Variants in GMDS observed in about 807,000 individuals in gnomAD.
The protein encoded by GMDS is GDP-mannose 4,6-dehydratase.
A neutral mutation model predicts 49.9 loss-of-function variants in GMDS; 20 were observed. That is an observed-to-expected ratio of 0.40 (90% CI 0.28 to 0.58). The LOEUF (loss-of-function observed/expected upper bound fraction) is 0.58. Among genes scored for constraint, GMDS ranks in the 20% least tolerant of loss-of-function variants. GMDS has a pLI of 0.42. For missense variants in GMDS, 362 were observed against 481.4 expected, an observed-to-expected ratio of 0.75 and a Z score of 2.32; for synonymous variants, 177 against 178.6, an observed-to-expected ratio of 0.99 and a Z score of 0.07.
chr6:1,720,645 C>T (rs1363394882), intron 9 of GMDS, among the ~76,000 whole-genome samples: 1 of 152,102 alleles, frequency 6.6e-6, no homozygotes, highest in Non-Finnish European at 1.5e-5. Context: ...CCTTACAGAA[C>T]GAGTAGTCTC....
intron 7 of GMDS, among the ~76,000 whole-genome samples, chr6:1,838,631 A>C (rs918530089): frequency 1.3e-5 from 2 of 152,198 alleles, no homozygotes; most frequent in African/African-American, 2.4e-5. Context: ...CTTGGTTAGT[A>C]CTGTGATTGG....
intron 1 of GMDS, among the ~76,000 whole-genome samples, chr6:2,221,317 T>C (rs1329404849): frequency 1.3e-5 from 2 of 152,238 alleles, no homozygotes; most frequent in Non-Finnish European, 2.9e-5. Context: ...TTCAATTGCA[T>C]TTTATTATTT....
chr6:1,948,819 G>A (rs189169852), intron 6 of GMDS, among the ~76,000 whole-genome samples: 1 of 152,276 alleles, frequency 6.6e-6, no homozygotes, highest in Admixed American at 6.5e-5. Flanking sequence ...CGTTTTGAAT[G>A]GCTTTTCCTG....
chr6:1,742,569 C>T lies in GMDS; in HGVS notation c.789G>A (p.Leu263=). The T allele has an allele frequency of 1.3e-6, 2 of 1,592,940 alleles. No individual in the cohort carries two copies. Among genetic ancestry groups the T allele is most frequent in the Non-Finnish European group, 1.7e-6 (2 of 1,160,996 alleles). The change falls in exon 8 of 11, where the codon TTG becomes TTA. Residue 263 remains leucine (L), a synonymous_variant. Transcript: ENST00000380815. ...CGAAGTCCTCCGGCTCATCATTCTG[C>T]AACATCAACCACATAGCCTAGAGGG... ...KDYVEAMWLM[L]QNDEPEDFVI...
intron 7 of GMDS, among the ~76,000 whole-genome samples, chr6:1,798,048 C>T (rs1368057627): frequency 6.6e-6 from 1 of 152,138 alleles, no homozygotes; most frequent in Non-Finnish European, 1.5e-5. Context: ...CATCTTCCTG[C>T]AATTCTTGAA....
At chr6:1,918,504 G>A (rs190478639) in intron 7 of GMDS, among the ~76,000 whole-genome samples, 150 of 151,752 alleles carry the variant, frequency 9.9e-4, no homozygotes, top group African/African-American at 3.4e-3. Flanking sequence ...CCAGTCCTTT[G>A]GGGGGCCGAG....
chr6:1,697,831 C>T (rs1259628126), intron 9 of GMDS, among the ~76,000 whole-genome samples: 1 of 152,202 alleles, frequency 6.6e-6, no homozygotes, highest in Non-Finnish European at 1.5e-5. Flanking sequence ...AGGAAGCTTT[C>T]TTCCTTTGTC....
chr6:1,919,691 C>A (rs1581362472), intron 7 of GMDS, among the ~76,000 whole-genome samples: 2 of 152,206 alleles, frequency 1.3e-5, no homozygotes, highest in African/African-American at 4.8e-5. Flanking sequence ...TTTGAATATT[C>A]TTCACCTTCA....
chr6:1,768,852 ACTC>A (rs1284848303), intron 7 of GMDS, among the ~76,000 whole-genome samples: 1 of 152,006 alleles, frequency 6.6e-6, no homozygotes, highest in Non-Finnish European at 1.5e-5. Flanking sequence ...GCACTTCACA[ACTC>A]CTATTTAACT....
Position 2,150,107 on chromosome 6 carries a change from T to C in GMDS, c.103-25376A>G, listed in dbSNP as rs1184057092. 2.0e-5 allele frequency among the ~76,000 whole-genome samples: 3 copies of C among 152,296 alleles called. No individual in the cohort carries two copies. In the East Asian group the frequency reaches 5.8e-4, roughly 29 times the overall value. On this transcript the variant is annotated intron_variant, in intron 1 of 10. Transcript: ENST00000380815. ...TTTTATTATTTCCTTGAAAAAACAC[T>C]CATTCCATCTAGTACGTATTGTGAG...
intron 7 of GMDS, among the ~76,000 whole-genome samples, chr6:1,893,402 G>T: frequency 6.6e-6 from 1 of 151,982 alleles, no homozygotes; most frequent in Non-Finnish European, 1.5e-5. Context: ...ATGTTGGCCA[G>T]GCTGGTCTCG....
At chr6:2,137,137 T>C (rs1007032377) in intron 1 of GMDS, among the ~76,000 whole-genome samples, 2 of 152,132 alleles carry the variant, frequency 1.3e-5, no homozygotes, top group Non-Finnish European at 2.9e-5. Context: ...TATATAATGG[T>C]ATTTATAATT....
intron 1 of GMDS, among the ~76,000 whole-genome samples, chr6:2,231,485 G>C (rs1263407493): frequency 2.0e-5 from 3 of 152,158 alleles, no homozygotes; most frequent in African/African-American, 7.2e-5. Context: ...GATGGCTTGA[G>C]CCCAGGAGGC....
At chr6:1,797,822 C>T (rs1435764828) in intron 7 of GMDS, among the ~76,000 whole-genome samples, 1 of 152,176 alleles carries the variant, frequency 6.6e-6, no homozygotes, top group East Asian at 1.9e-4. Flanking sequence ...CCCCAATGGG[C>T]ACAGCTTGGA....
chr6:1,848,822 T>C (rs1446382553), intron 7 of GMDS, among the ~76,000 whole-genome samples: 2 of 152,102 alleles, frequency 1.3e-5, no homozygotes, highest in African/African-American at 2.4e-5. Context: ...GTGTGAAGTA[T>C]AGTGAAGTGG....
intron 7 of GMDS, among the ~76,000 whole-genome samples, chr6:1,874,114 G>A (rs1758911570): frequency 1.3e-5 from 2 of 152,164 alleles, no homozygotes; most frequent in Non-Finnish European, 2.9e-5. Flanking sequence ...GGGACTGCAC[G>A]GCCACTTGGC....
At chr6:1,873,710 C>G (rs981066215) in intron 7 of GMDS, among the ~76,000 whole-genome samples, 1 of 152,164 alleles carries the variant, frequency 6.6e-6, no homozygotes, top group Non-Finnish European at 1.5e-5. Flanking sequence ...TAAAGATCCT[C>G]TTTATCTGTG....
At chr6:2,177,566 C>T (rs997072339) in intron 1 of GMDS, among the ~76,000 whole-genome samples, 1 of 152,062 alleles carries the variant, frequency 6.6e-6, no homozygotes, top group Non-Finnish European at 1.5e-5. Flanking sequence ...TATGATTCAC[C>T]ACATAAAGAG....
chr6:1,705,877 C>A (rs900246510), intron 9 of GMDS, among the ~76,000 whole-genome samples: 1 of 152,156 alleles, frequency 6.6e-6, no homozygotes, highest in African/African-American at 2.4e-5. Context: ...GGGCACCCAG[C>A]AATCTGGGGC....
Sources: gnomAD v4.1 joint callset for allele counts (sites outside exome capture counted in the v4.1 genomes callset) on GRCh38, gnomAD v4.1.1 for gene constraint, MANE v1.5 for transcripts, NCBI Gene and HGNC (gene_info 2026-07-23, HGNC 2026-07-21) for gene names.